The following UBE3D variants were observed in gnomAD, a reference collection of about 807,000 sequenced individuals.
UBE3D encodes the protein E3 ubiquitin-protein ligase E3D.
UBE3D carries 48 observed loss-of-function variants against 49.6 expected under a neutral mutation model. That is an observed-to-expected ratio of 0.97 (90% CI 0.77 to 1.23). The LOEUF is 1.23. UBE3D is among the 50% of genes most tolerant of loss of function. The probability of loss-of-function intolerance (pLI) is 0.00; values close to 1 mark genes in which losing one functional copy is unlikely to be tolerated. For synonymous variants in UBE3D, 189 were observed against 174.2 expected, an observed-to-expected ratio of 1.08 and a Z score of -0.67; for missense variants, 452 against 468.4, an observed-to-expected ratio of 0.96 and a Z score of 0.32.
chr6:82,895,431 C>T (rs919240722), intron 9 of UBE3D, among the ~76,000 whole-genome samples: 1 of 152,118 alleles, frequency 6.6e-6, no homozygotes, highest in African/African-American at 2.4e-5. Context: ...TTTCGGTTGT[C>T]AACGTAACTG....
intron 1 of UBE3D, among the ~76,000 whole-genome samples, chr6:83,062,454 G>A (rs1383744263): frequency 6.6e-6 from 1 of 152,086 alleles, no homozygotes; most frequent in Non-Finnish European, 1.5e-5. Flanking sequence ...CTGCCCTCAG[G>A]AACCACGCAC....
intron 8 of UBE3D, among the ~76,000 whole-genome samples, chr6:83,015,247 T>C (rs181778353): frequency 6.6e-6 from 1 of 152,302 alleles, no homozygotes; most frequent in Non-Finnish European, 1.5e-5. Flanking sequence ...GGGTATATCT[T>C]CTGGAACCTC....
chr6:82,918,290 C>CAAAA (rs1264772779), intron 9 of UBE3D, among the ~76,000 whole-genome samples: 1 of 145,644 alleles, frequency 6.9e-6, no homozygotes, highest in Non-Finnish European at 1.5e-5. Flanking sequence ...ACAACAACAA[C>CAAAA]AAAAAAAAAA....
At chr6:82,971,830 T>G (rs1053206825) in intron 8 of UBE3D, among the ~76,000 whole-genome samples, 2 of 152,216 alleles carry the variant, frequency 1.3e-5, no homozygotes. Flanking sequence ...AATATTGATA[T>G]TACTGGTATT....
chr6:82,910,269 A>G (rs1000536770), intron 9 of UBE3D, among the ~76,000 whole-genome samples: 1 of 152,112 alleles, frequency 6.6e-6, no homozygotes, highest in African/African-American at 2.4e-5. Context: ...TCTTATCTAA[A>G]TCTCTGTATA....
At chr6:83,012,108 T>C (rs1045749746) in intron 8 of UBE3D, among the ~76,000 whole-genome samples, 10 of 152,152 alleles carry the variant, frequency 6.6e-5, no homozygotes, top group Non-Finnish European at 1.0e-4. Context: ...CTGCTGCACT[T>C]CTTTAGCCAT....
At chr6:83,061,974 T>A (rs1279501407) in intron 1 of UBE3D, among the ~76,000 whole-genome samples, 1 of 152,206 alleles carries the variant, frequency 6.6e-6, no homozygotes, top group Non-Finnish European at 1.5e-5. Context: ...CCAGTTACAG[T>A]TTAATACTCA....
chr6:82,943,387 A>G (rs1246226914), intron 9 of UBE3D, among the ~76,000 whole-genome samples: 1 of 152,200 alleles, frequency 6.6e-6, no homozygotes, highest in Non-Finnish European at 1.5e-5. Flanking sequence ...CCGTAATCCT[A>G]GCACTTTTGA....
chr6:82,885,801 C>A, the UBE3D span, among the ~76,000 whole-genome samples: 1 of 152,206 alleles, frequency 6.6e-6, no homozygotes, highest in African/African-American at 2.4e-5. Context: ...TATTCACAGT[C>A]CAATCTCAAT....
intron 8 of UBE3D, among the ~76,000 whole-genome samples, chr6:82,977,868 C>T (rs542289880): frequency 3.3e-5 from 5 of 152,032 alleles, no homozygotes; most frequent in Non-Finnish European, 5.9e-5. Context: ...ATCTTAGCTC[C>T]CAGGATCTGT....
chr6:83,051,463 A>G (rs572975248), intron 3 of UBE3D, among the ~76,000 whole-genome samples: 1 of 152,370 alleles, frequency 6.6e-6, no homozygotes, highest in East Asian at 1.9e-4. Flanking sequence ...AAACACAAAT[A>G]ACAGCCAATA....
chr6:82,994,214 G>A (rs949912982), intron 8 of UBE3D, among the ~76,000 whole-genome samples: 1 of 152,108 alleles, frequency 6.6e-6, no homozygotes, highest in Non-Finnish European at 1.5e-5. Flanking sequence ...CCTTACCCAT[G>A]CAATACTTAT....
chr6:82,957,550 A>G, intron 8 of UBE3D, 100 bp from the exon 9 acceptor site: 1 of 1,326,326 alleles, frequency 7.5e-7, no homozygotes, highest in Admixed American at 2.5e-5. Flanking sequence ...AGAAAAAGGC[A>G]AAGTACAAAA....
At chr6:82,988,999 T>G (rs1778704958) in intron 8 of UBE3D, among the ~76,000 whole-genome samples, 1 of 152,038 alleles carries the variant, frequency 6.6e-6, no homozygotes, top group Non-Finnish European at 1.5e-5. Flanking sequence ...AAAATAGAAT[T>G]AGAAAGGAAA....
At chr6:82,907,514 T>C (rs889416730) in intron 9 of UBE3D, among the ~76,000 whole-genome samples, 1 of 152,100 alleles carries the variant, frequency 6.6e-6, no homozygotes, top group African/African-American at 2.4e-5. Context: ...GTGGGGGATG[T>C]AGGAGGGGAA....
In UBE3D at chr6:83,005,618, A is replaced by AT. The variant is rs1001542321; in HGVS notation, c.1010+13354dup. 4.7e-3 allele frequency among the ~76,000 whole-genome samples: 668 copies of AT among 143,530 alleles called. 1 individual carries two copies. Among genetic ancestry groups the AT allele is most frequent in the Non-Finnish European group, 7.4e-3 (484 of 65,180 alleles). The allele number at this position is 143,530 out of a possible 152,430, so 94.2% of individuals were successfully genotyped here. A position where few individuals can be genotyped will look rare whatever the true frequency, so the allele number is the denominator to read the frequency against. Reference sequence around the variant, plus strand: ...GGCAACATAGTAAGGTGCGGTCTCTATTTTTTTTTTTAATTAAAAGAAAAA... The same window carrying AT: ...GGCAACATAGTAAGGTGCGGTCTCTATTTTTTTTTTTTAATTAAAAGAAAAA... On this transcript the variant is annotated intron_variant, in intron 8 of 9. Coordinates refer to ENST00000369747, the MANE Select transcript of UBE3D (RefSeq NM_198920.3).
chr6:83,045,173 T>C (rs2127822226), intron 3 of UBE3D, among the ~76,000 whole-genome samples: 1 of 152,310 alleles, frequency 6.6e-6, no homozygotes, highest in Non-Finnish European at 1.5e-5. Flanking sequence ...TTGGAAAGAA[T>C]CCTATATAAG....
intron 5 of UBE3D, among the ~76,000 whole-genome samples, chr6:83,025,474 A>G (rs1781387902): frequency 6.6e-6 from 1 of 152,076 alleles, no homozygotes; most frequent in South Asian, 2.1e-4. Context: ...TTTTAAAATG[A>G]TAAGGTGTAC....
intron 5 of UBE3D, among the ~76,000 whole-genome samples, chr6:83,032,039 G>A (rs1455085649): frequency 6.6e-6 from 1 of 152,226 alleles, no homozygotes; most frequent in Non-Finnish European, 1.5e-5. Flanking sequence ...GAGAACCTCT[G>A]TTAGGGCAGT....
Sources: gnomAD v4.1 joint callset for allele counts (sites outside exome capture counted in the v4.1 genomes callset) on GRCh38, gnomAD v4.1.1 for gene constraint, MANE v1.5 for transcripts, NCBI Gene and HGNC (gene_info 2026-07-23, HGNC 2026-07-21) for gene names.